Variants in FLG observed in about 807,000 individuals in gnomAD.
The protein encoded by FLG is filaggrin, also known as epidermal filaggrin.
A neutral mutation model predicts 3.8 loss-of-function variants in FLG; 6 were observed. The observed-to-expected ratio is 1.60, with a 90% CI of 0.87 to 3.15. FLG has a LOEUF of 3.15. Among genes scored for constraint, FLG ranks in the 30% most tolerant of loss-of-function variants. FLG has a pLI of 0.00. For missense variants in FLG, 7,595 were observed against 5,050.9 expected (o/e 1.50, Z -15.27); for synonymous variants, 2,551 against 1,931.6 (o/e 1.32, Z -8.41).
At position 152,314,651 on chromosome 1, in the gene FLG, A is replaced by G; in HGVS notation, c.235T>C (p.Phe79Leu). ...IDFTEFLLMV[F>L]KLAQAYYEST... ...TCATAATATGCTTGAGCCAACTTGA[A>G]TACCATCAGAAGAAACTCAGTGAAG... Residue 79 changes from phenylalanine (F) to leucine (L), a missense_variant, in exon 3 of 3, where the codon TTC becomes CTC. By Grantham distance (22) the Phe-to-Leu change is conservative (BLOSUM62 0). Coordinates refer to ENST00000368799, the MANE Select transcript of FLG (RefSeq NM_002016.2). 2 of 1,614,084 alleles carry G rather than the reference A, an allele frequency of 1.2e-6. No homozygotes were observed. Among genetic ancestry groups the G allele is most frequent in the Non-Finnish European group, 1.7e-6 (2 of 1,179,998 alleles).
At position 152,311,059 on chromosome 1, in the gene FLG, C is replaced by A; in HGVS notation, c.3827G>T (p.Ser1276Ile). Residue 1276 changes from serine (S) to isoleucine (I), a missense_variant, in exon 3 of 3, where the codon AGT becomes ATT. Physicochemically the swap from Ser to Ile is moderately radical, Grantham distance 142 (BLOSUM62 -2). Coordinates refer to ENST00000368799, the MANE Select transcript of FLG (RefSeq NM_002016.2). ...QGSSVSQDSD[S>I]ERHSDDSERL... ...CTCGGAGTCGTCTGAGTGTCTCTCACTGTCACTGTCCTGGCTAACACTGGA... is the reference window on the plus strand; with the variant it reads ...CTCGGAGTCGTCTGAGTGTCTCTCAATGTCACTGTCCTGGCTAACACTGGA... 6.2e-7 allele frequency: 1 copy of A among 1,613,992 alleles called. No individual in the cohort carries two copies.
chr1:152,314,188 A>G lies in FLG; in HGVS notation c.698T>C (p.Ile233Thr). Residue 233 changes from isoleucine (I) to threonine (T), a missense_variant, in exon 3 of 3, where the codon ATT (isoleucine) becomes ACT (threonine). Coordinates refer to ENST00000368799, the MANE Select transcript of FLG (RefSeq NM_002016.2). ...ATCCTGGATTGTGTAATATGTGGCA[A>G]TATGGCCTGATTGTATCCATTTTTG... ...MTQKWIQSGH[I>T]ATYYTIQDEA... 6.2e-7 allele frequency: 1 copy of G among 1,614,140 alleles called. No individual in the cohort carries two copies. The highest frequency in any genetic ancestry group is 8.5e-7 in the Non-Finnish European group (1 of 1,180,024).
rs779997918 is a variant in FLG, at chr1:152,314,446, G to A, written c.440C>T (p.Thr147Ile). ...NKGRSKSPRETGGKRHESSSE... is the reference protein window; with the variant it reads ...NKGRSKSPREIGGKRHESSSE... The stretch of plus-strand genomic sequence containing the variant: ...ACTAGATTCATGCCTTTTCCCCCCT[G>A]TTTCTCTTGGGCTCTTGGATCTTCC... The change falls in exon 3 of 3, where the codon ACA becomes ATA. Residue 147 changes from threonine to isoleucine, a missense_variant. Transcript: ENST00000368799. 3.5e-5 allele frequency: 57 copies of A among 1,612,426 alleles called. No individual in the cohort carries two copies. Among genetic ancestry groups the A allele is most frequent in the Non-Finnish European group, 4.8e-5 (57 of 1,179,590 alleles).
In FLG at chr1:152,306,922, C is replaced by G; in HGVS notation, c.7964G>C (p.Gly2655Ala). ...GTCTGCTGACTGCTGGTGGTGGGAT[C>G]CATGTCTTTCTCCTGCACTTGATCT... Reference protein sequence around the residue: ...QARSSAGERHGSHHQQSADSS... With the variant: ...QARSSAGERHASHHQQSADSS... The change falls in exon 3 of 3, where the codon GGA (glycine) becomes GCA (alanine). Residue 2655 changes from glycine to alanine, a missense_variant. Transcript: ENST00000368799. The G allele has an allele frequency of 7.1e-7, 1 of 1,405,870 alleles. No homozygotes were observed. Among genetic ancestry groups the G allele is most frequent in the Non-Finnish European group, 9.8e-7 (1 of 1,022,194 alleles). 87.1% of individuals were successfully genotyped at this position (1,405,870 alleles called of 1,614,324 possible).
In FLG at chr1:152,303,758, A is replaced by C; in HGVS notation, c.11128T>G (p.Phe3710Val). 6.2e-7 allele frequency: 1 copy of C among 1,613,730 alleles called. No individual in the cohort carries two copies. Among genetic ancestry groups the C allele is most frequent in the Non-Finnish European group, 8.5e-7 (1 of 1,179,912 alleles). ...SAGRSGRSGS[F>V]LYQVSTHEQS... ...TCATGAGTGCTCACCTGGTAGAGGA[A>C]AGACCCTGAACGTCCAGACCTTCCT... The change falls in exon 3 of 3, where the codon TTC becomes GTC. Residue 3710 changes from phenylalanine (F) to valine (V), a missense_variant. By Grantham distance (50) the Phe-to-Val change is conservative. Transcript: ENST00000368799.
rs772779677 is a variant in FLG, at chr1:152,311,973, A to T, written c.2913T>A (p.Arg971=). The T allele has an allele frequency of 6.2e-7, 1 of 1,614,038 alleles. No individual in the cohort carries two copies. Among genetic ancestry groups the T allele is most frequent in the Admixed American group, 1.7e-5 (1 of 60,020 alleles). The change falls in exon 3 of 3, where the codon CGT becomes CGA. Residue 971 remains arginine, a synonymous_variant. Transcript: ENST00000368799. ...RWSGSASRNH[R]GSAQEQSRHG... is the part of the protein sequence containing the mutation. ...GTCTTGACTGCTCCTGAGCAGATCC[A>T]CGATGGTTTCTGGAAGCAGACCCAG... is the stretch of plus-strand genomic sequence containing the variant.
At position 152,303,401 on chromosome 1, in the gene FLG, G is replaced by C. The variant is rs7537147; in HGVS notation, c.11485C>G (p.Arg3829Gly). 1.9e-6 allele frequency: 3 copies of C among 1,614,042 alleles called. No individual in the cohort carries two copies. The highest frequency in any genetic ancestry group is 3.3e-5 in the Admixed American group (2 of 60,004). ...SGDGSRHSGS[R>G]HHEASTQADS... Reference sequence around the variant, plus strand: ...GCCTGAGTGGAAGCTTCATGGTGACGCGACCCTGAGTGCCTGGAGCCGTCT... The same window carrying C: ...GCCTGAGTGGAAGCTTCATGGTGACCCGACCCTGAGTGCCTGGAGCCGTCT... Residue 3829 changes from arginine (R) to glycine (G), a missense_variant, in exon 3 of 3, where the codon CGT becomes GGT. Coordinates refer to ENST00000368799, the MANE Select transcript of FLG (RefSeq NM_002016.2).
At position 152,302,877 on chromosome 1, in the gene FLG, G is replaced by A; in HGVS notation, c.12009C>T (p.Ser4003=). The A allele has an allele frequency of 6.2e-7, 1 of 1,614,128 alleles. No individual in the cohort carries two copies. Among genetic ancestry groups the A allele is most frequent in the Non-Finnish European group, 8.5e-7 (1 of 1,180,016 alleles). ...HSQHGSVSYN[S]NPVVFKERSD... Reference sequence around the variant, plus strand: ...ATCTTTCCTTGAAAACAACAGGATTGGAATTGTAACTAACACTTCCGTGCT... The same window carrying A: ...ATCTTTCCTTGAAAACAACAGGATTAGAATTGTAACTAACACTTCCGTGCT... The change falls in exon 3 of 3, where the codon TCC becomes TCT. Residue 4003 remains serine (S), a synonymous_variant. Coordinates refer to ENST00000368799, the MANE Select transcript of FLG (RefSeq NM_002016.2).
rs756739106 is a variant in FLG, at chr1:152,307,291, G to A, written c.7595C>T (p.Ser2532Leu). The A allele has an allele frequency of 5.6e-6, 9 of 1,613,212 alleles. No homozygotes were observed. The highest frequency in any genetic ancestry group is 4.5e-5 in the East Asian group (2 of 44,750). The change falls in exon 3 of 3, where the codon TCG becomes TTG. Residue 2532 changes from serine to leucine, a missense_variant. Physicochemically the swap from Ser to Leu is moderately radical, Grantham distance 145. Coordinates refer to ENST00000368799, the MANE Select transcript of FLG (RefSeq NM_002016.2). ...QSGDGSRHSG[S>L]RHHEASSRAD... ...CCGAGAGGAAGCTTCATGGTGACGC[G>A]ACCCTGAGTGCCTGGAGCCGTCTCC...
In FLG at chr1:152,307,063, G is replaced by C; in HGVS notation, c.7823C>G (p.Ser2608Cys). Residue 2608 changes from serine (S) to cysteine (C), a missense_variant, in exon 3 of 3, where the codon TCC becomes TGC. Ser to Cys is a moderately radical substitution (Grantham distance 112). Transcript: ENST00000368799. ...ATGACCAGCTCTGTCTTCTTGATGG[G>C]ACCTGGGGTGTCTGGAGCCATCTCT... ...QLRDGSRHPR[S>C]HQEDRAGHGH... The C allele has an allele frequency of 6.2e-7, 1 of 1,608,530 alleles. No homozygotes were observed.
At position 152,315,500 on chromosome 1, in the gene FLG, C is replaced by T. The variant is rs774030580; in HGVS notation, c.-21-23G>A. The stretch of plus-strand genomic sequence containing the variant: ...AACCTAGAAAGAAGAAATGAAAATG[C>T]ACTTTTTTATACATCTTTTTTTCTA... On this transcript the variant is annotated intron_variant, in intron 1 of 2. Coordinates refer to ENST00000368799, the MANE Select transcript of FLG (RefSeq NM_002016.2). The T allele has an allele frequency of 8.9e-6, 14 of 1,574,076 alleles. No individual in the cohort carries two copies. The South Asian group carries it at 1.5e-4, about 17-fold the overall frequency.
rs755476844 is a variant in FLG at position 152,308,968 on chromosome 1, C to G, written c.5918G>C (p.Ser1973Thr). 2.5e-6 allele frequency: 4 copies of G among 1,614,082 alleles called. No homozygotes were observed. The African/African-American group carries it at 4.0e-5, about 16-fold the overall frequency. The change falls in exon 3 of 3, where the codon AGC (serine) becomes ACC (threonine). Residue 1973 changes from serine (S) to threonine (T), a missense_variant. Ser to Thr is a moderately conservative substitution (Grantham distance 58). Transcript: ENST00000368799. ...GTGACGAGTGCCTGATTGTCTGGAG[C>G]TGTCTGCAGAGTGCCCGTGACCGGC... ...DRAGHGHSAD[S>T]SRQSGTRHTE...
Position 152,311,102 on chromosome 1 carries a change from TC to T in FLG, c.3783del (p.Thr1262GlnfsTer184). The T allele has an allele frequency of 6.2e-7, 1 of 1,613,950 alleles. No individual in the cohort carries two copies. Among genetic ancestry groups the T allele is most frequent in the Non-Finnish European group, 8.5e-7 (1 of 1,179,992 alleles). On this transcript the variant is annotated frameshift_variant, in exon 3 of 3. Coordinates refer to ENST00000368799, the MANE Select transcript of FLG (RefSeq NM_002016.2). LOFTEE classifies it low-confidence loss of function (END_TRUNC). ...QVGQEQSSGSRTSRHQGSSVS... is the reference protein window; with the variant it reads ...QVGQEQSSGSXTSRHQGSSVS... ...ACACTGGATCCCTGGTGCCTGCTTG[TC>T]CTGGACCCCGATGATTGTTCCTGTC...
At position 152,313,497 on chromosome 1, in the gene FLG, T is replaced by C. The variant is rs1293985487; in HGVS notation, c.1389A>G (p.Gly463=). The change falls in exon 3 of 3, where the codon GGA becomes GGG. Residue 463 remains glycine, a synonymous_variant. Coordinates refer to ENST00000368799, the MANE Select transcript of FLG (RefSeq NM_002016.2). The part of the protein sequence containing the change: ...STRGRSGERS[G]RSGSSLYQVS... ...CCTGGTAGAGGGAAGACCCTGAACG[T>C]CCAGACCGTTCCCCTGACCGGCCAC... The C allele has an allele frequency of 1.2e-6, 2 of 1,613,850 alleles. No individual in the cohort carries two copies. The highest frequency in any genetic ancestry group is 2.2e-5 in the South Asian group (2 of 91,026).
chr1:152,303,831 A>C lies in FLG; in HGVS notation c.11055T>G (p.Ala3685=). The C allele has an allele frequency of 6.2e-7, 1 of 1,613,668 alleles. No individual in the cohort carries two copies. Among genetic ancestry groups the C allele is most frequent in the Non-Finnish European group, 8.5e-7 (1 of 1,179,892 alleles). ...CTTGGTGGCTCTGCTGATGGGGCCCAGCCTGTCCGTGGGCTGACACTGACT... is the reference window on the plus strand; with the variant it reads ...CTTGGTGGCTCTGCTGATGGGGCCCCGCCTGTCCGTGGGCTGACACTGACT... The part of the protein sequence containing the change: ...DTQSVSAHGQ[A]GPHQQSHQES... Residue 3685 remains alanine (A), a synonymous_variant, in exon 3 of 3, where the codon GCT becomes GCG. Coordinates refer to ENST00000368799, the MANE Select transcript of FLG (RefSeq NM_002016.2).
rs558952058 is a variant in FLG, at chr1:152,310,978, C to T, written c.3908G>A (p.Arg1303Lys). The T allele has an allele frequency of 3.8e-5, 62 of 1,613,940 alleles. No homozygotes were observed. In the South Asian group the frequency reaches 6.5e-4, roughly 17 times the overall value. ...GAACCCAGGGTGTCTGGAGCCATCT[C>T]TTGACTGCTCCCGAGAAGATCCATG... ...NHHGSSREQS[R>K]DGSRHPGFHQ... is the part of the protein sequence containing the mutation. Residue 1303 changes from arginine (R) to lysine (K), a missense_variant, in exon 3 of 3, where the codon AGA becomes AAA. Arg to Lys is a conservative substitution (Grantham distance 26). Transcript: ENST00000368799.
At chr1:152,314,865 C>A (rs1334130482) in intron 2 of FLG, 118 bp from the exon 3 acceptor site, 5 of 1,073,752 alleles carry the variant, frequency 4.7e-6, no homozygotes, top group African/African-American at 3.4e-5. Flanking sequence ...GGGACAAAAT[C>A]TTTTTTTTTT....
At position 152,312,520 on chromosome 1, in the gene FLG, C is replaced by G. The variant is rs147308729; in HGVS notation, c.2366G>C (p.Arg789Pro). 2 of 1,613,376 alleles carry G rather than the reference C, an allele frequency of 1.2e-6. No individual in the cohort carries two copies. Among genetic ancestry groups the G allele is most frequent in the East Asian group, 2.2e-5 (1 of 44,812 alleles). The change falls in exon 3 of 3, where the codon CGT becomes CCT. Residue 789 changes from arginine (R) to proline (P), a missense_variant. By Grantham distance (103) the Arg-to-Pro change is moderately radical (BLOSUM62 -2). Transcript: ENST00000368799. ...CACCTGGTAGAGGAAAGACCCTGAA[C>G]GTCGAGACCTTTCCCCTGACCGGTC... ...ARDRSGERSR[R>P]SGSFLYQVST...
Position 152,312,799 on chromosome 1 carries a change from G to A in FLG, c.2087C>T (p.Ser696Phe). The change falls in exon 3 of 3, where the codon TCC becomes TTC. Residue 696 changes from serine (S) to phenylalanine (F), a missense_variant. By Grantham distance (155) the Ser-to-Phe change is radical (BLOSUM62 -2). Coordinates refer to ENST00000368799, the MANE Select transcript of FLG (RefSeq NM_002016.2). ...QNSSSGQAAS[S>F]HEQARSSAGE... ...TGCACTTGATCTTGCCTGTTCATGG[G>A]ATGACGCAGCCTGTCCACTAGAGGA... The A allele has an allele frequency of 6.2e-7, 1 of 1,614,088 alleles. No homozygotes were observed.
Sources: allele counts gnomAD v4.1 joint callset, GRCh38; gene constraint gnomAD v4.1.1; transcripts MANE v1.5; gene names NCBI Gene and HGNC (gene_info 2026-07-23, HGNC 2026-07-21).